CDH12: variants seen among roughly 807,000 people sequenced by gnomAD.
CDH12 encodes cadherin-12.
Under a neutral mutation model 74.1 loss-of-function variants are expected in CDH12, and 41 were observed. The observed-to-expected ratio is 0.55, with a 90% CI of 0.43 to 0.72. The LOEUF (loss-of-function observed/expected upper bound fraction) is 0.72, where lower values mean the gene tolerates loss of function less well. CDH12 is among the 30% of genes least tolerant of loss of function. The pLI, the probability that CDH12 is intolerant of heterozygous loss-of-function variation, is 0.00. For missense variants in CDH12, 945 were observed against 977.2 expected, an observed-to-expected ratio of 0.97 and a Z score of 0.44; for synonymous variants, 399 against 355.0, an observed-to-expected ratio of 1.12 and a Z score of -1.39.
chr5:21,993,148 T>C (rs933671415), intron 5 of CDH12, among the ~76,000 whole-genome samples: 4 of 150,882 alleles, frequency 2.7e-5, no homozygotes, highest in African/African-American at 9.7e-5. Flanking sequence ...TGGCGGGGGG[T>C]GGAGGGTGGA....
rs576256431 is a variant in CDH12, at chr5:22,192,352, C to T, written c.-187+20146G>A. 5.3e-5 allele frequency among the ~76,000 whole-genome samples: 8 copies of T among 152,196 alleles called. No individual in the cohort carries two copies. The East Asian group carries it at 5.8e-4, about 11-fold the overall frequency. On this transcript the variant is annotated intron_variant, in intron 4 of 14. Transcript: ENST00000382254. ...CTCAGGTAATACAAATCTGTAAAGA[C>T]GAAATTAGGAGCCATGACAAACTAA... is the stretch of plus-strand genomic sequence containing the variant.
At chr5:22,815,751 C>G in intron 1 of CDH12, among the ~76,000 whole-genome samples, 1 of 116,614 alleles carries the variant, frequency 8.6e-6, no homozygotes, top group Non-Finnish European at 1.7e-5. Context: ...GCTTGGGTGA[C>G]AGAAGGAGAC....
At chr5:22,115,716 A>T (rs1306712690) in intron 4 of CDH12, among the ~76,000 whole-genome samples, 1 of 132,674 alleles carries the variant, frequency 7.5e-6, no homozygotes, top group African/African-American at 2.9e-5. Context: ...TTTTTGAGAC[A>T]GACTCTCGCC....
chr5:22,665,926 C>G (rs956240838), intron 1 of CDH12, among the ~76,000 whole-genome samples: 1 of 150,584 alleles, frequency 6.6e-6, no homozygotes, highest in African/African-American at 2.5e-5. Context: ...CTTTTTTTTT[C>G]TTATGCAATC....
At position 21,865,583 on chromosome 5, in the gene CDH12, G is replaced by A. The variant is rs139001304; in HGVS notation, c.527-10793C>T. 1.5e-3 allele frequency among the ~76,000 whole-genome samples: 226 copies of A among 152,184 alleles called. 2 individuals are homozygous for A. The East Asian group carries it at 0.028, about 19-fold the overall frequency. On this transcript the variant is annotated intron_variant, in intron 6 of 14. Transcript: ENST00000382254. ...TAGGGACTCTGCTTCCCACATTCCAGCACAATGCTCTTCAGCCACCCCAGC... is the reference window on the plus strand; with the variant it reads ...TAGGGACTCTGCTTCCCACATTCCAACACAATGCTCTTCAGCCACCCCAGC...
intron 4 of CDH12, among the ~76,000 whole-genome samples, chr5:22,161,169 T>C (rs577655430): frequency 5.0e-4 from 76 of 152,306 alleles, no homozygotes; most frequent in Non-Finnish European, 1.0e-3. Context: ...TCATTTCTTA[T>C]ATCTTAACTA....
intron 6 of CDH12, among the ~76,000 whole-genome samples, chr5:21,914,505 A>G (rs1228689774): frequency 6.6e-6 from 1 of 152,176 alleles, no homozygotes; most frequent in Non-Finnish European, 1.5e-5. Flanking sequence ...ACATATATAC[A>G]TACCCATACA....
chr5:22,396,971 G>A (rs1742487111), intron 3 of CDH12, among the ~76,000 whole-genome samples: 1 of 151,910 alleles, frequency 6.6e-6, no homozygotes, highest in South Asian at 2.1e-4. Flanking sequence ...AATACTCATT[G>A]CTTTTCTCTC....
intron 6 of CDH12, among the ~76,000 whole-genome samples, chr5:21,924,180 T>C (rs1002482706): frequency 2.6e-5 from 4 of 152,176 alleles, no homozygotes; most frequent in African/African-American, 9.7e-5. Flanking sequence ...TGTTGAATTG[T>C]GAGAGAAACA....
At chr5:22,279,679 G>A (rs1736792845) in intron 3 of CDH12, among the ~76,000 whole-genome samples, 1 of 151,854 alleles carries the variant, frequency 6.6e-6, no homozygotes, top group Non-Finnish European at 1.5e-5. Context: ...TTCCAGCTTC[G>A]TCCATGTCCC....
chr5:22,819,504 T>A (rs939045649), intron 1 of CDH12, among the ~76,000 whole-genome samples: 2 of 152,000 alleles, frequency 1.3e-5, no homozygotes, highest in African/African-American at 2.4e-5. Flanking sequence ...ACAACTTCCA[T>A]TAGACATCCA....
chr5:22,048,869 A>G (rs1176444040), intron 5 of CDH12, among the ~76,000 whole-genome samples: 1 of 152,156 alleles, frequency 6.6e-6, no homozygotes, highest in Non-Finnish European at 1.5e-5. Flanking sequence ...GAGAAAAGAC[A>G]ATGATAACTC....
At chr5:22,176,139 A>G (rs1316591885) in intron 4 of CDH12, among the ~76,000 whole-genome samples, 1 of 151,958 alleles carries the variant, frequency 6.6e-6, no homozygotes, top group African/African-American at 2.4e-5. Flanking sequence ...TATCACATAT[A>G]TACACTTCGG....
At chr5:22,350,031 T>C (rs1008990441) in intron 3 of CDH12, among the ~76,000 whole-genome samples, 3 of 152,230 alleles carry the variant, frequency 2.0e-5, no homozygotes, top group Non-Finnish European at 4.4e-5. Flanking sequence ...ACATAGAGCG[T>C]ACCTGTAAAC....
chr5:21,968,921 T>G (rs1160915959), intron 6 of CDH12, among the ~76,000 whole-genome samples: 1 of 150,470 alleles, frequency 6.6e-6, no homozygotes, highest in East Asian at 2.0e-4. Context: ...AAGTGGGAGC[T>G]GAACAGTAAG....
At chr5:22,297,214 T>A (rs909885654) in intron 3 of CDH12, among the ~76,000 whole-genome samples, 2 of 151,836 alleles carry the variant, frequency 1.3e-5, no homozygotes, top group Admixed American at 6.6e-5. Context: ...GGACACGGGG[T>A]TTCTCCATGT....
chr5:22,006,535 G>A (rs2150148747), intron 5 of CDH12, among the ~76,000 whole-genome samples: 1 of 151,910 alleles, frequency 6.6e-6, no homozygotes, highest in East Asian at 1.9e-4. Flanking sequence ...TTATATAATA[G>A]TAAACATTAC....
At chr5:22,532,472 A>G (rs1737638400) in intron 1 of CDH12, among the ~76,000 whole-genome samples, 1 of 149,034 alleles carries the variant, frequency 6.7e-6, no homozygotes, top group African/African-American at 2.5e-5. Context: ...GATCAGATTT[A>G]TATCTAGGAC....
At chr5:22,647,156 C>A (rs954084740) in intron 1 of CDH12, among the ~76,000 whole-genome samples, 1 of 151,640 alleles carries the variant, frequency 6.6e-6, no homozygotes, top group Admixed American at 6.6e-5. Context: ...TAATATAGAA[C>A]CTTAGTTCAA....
Sources: allele counts gnomAD v4.1 joint callset (sites outside exome capture counted in the v4.1 genomes callset), GRCh38; gene constraint gnomAD v4.1.1; transcripts MANE v1.5; gene names NCBI Gene and HGNC (gene_info 2026-07-23, HGNC 2026-07-21).